The following CGNL1 variants were observed in gnomAD, a reference collection of about 807,000 sequenced individuals.
The protein encoded by CGNL1 is cingulin like 1, also known as cingulin-like protein 1.
CGNL1 carries 132 observed loss-of-function variants against 141.2 expected under a neutral mutation model. The ratio of observed to expected loss-of-function variants is 0.93; its 90% CI spans 0.81 to 1.08. The LOEUF is 1.08. Ranked by LOEUF, CGNL1 falls within the 50% of genes least tolerant of loss-of-function variation. The pLI, the probability that CGNL1 is intolerant of heterozygous loss-of-function variation, is 0.00. For missense variants in CGNL1, 1,870 were observed against 1,588.6 expected (o/e 1.18, Z -3.01); for synonymous variants, 690 against 622.1 (o/e 1.11, Z -1.63).
chr15:57,546,853 G>A (rs189166634), intron 18 of CGNL1, among the ~76,000 whole-genome samples: 39 of 152,240 alleles, frequency 2.6e-4, no homozygotes, highest in African/African-American at 9.4e-4. Flanking sequence ...GGGGCTCTTT[G>A]CTGGCTGCCC....
intron 1 of CGNL1, among the ~76,000 whole-genome samples, chr15:57,412,367 A>T (rs928977322): frequency 6.6e-6 from 1 of 152,208 alleles, no homozygotes; most frequent in Admixed American, 6.5e-5. Context: ...GTGGCTCTGC[A>T]TCCTCTTTTC....
chr15:57,381,351 G>A (rs1809231588), intron 1 of CGNL1, among the ~76,000 whole-genome samples: 1 of 152,136 alleles, frequency 6.6e-6, no homozygotes, highest in Non-Finnish European at 1.5e-5. Flanking sequence ...CTTGAGCCCA[G>A]GAGGTCAATA....
intron 8 of CGNL1, among the ~76,000 whole-genome samples, chr15:57,492,173 G>T (rs1205128496): frequency 6.6e-6 from 1 of 152,194 alleles, no homozygotes; most frequent in East Asian, 1.9e-4. Flanking sequence ...ATCAACTAAA[G>T]CCTTAGGTTT....
intron 8 of CGNL1, among the ~76,000 whole-genome samples, chr15:57,510,358 A>G (rs939983076): frequency 6.6e-6 from 1 of 152,264 alleles, no homozygotes; most frequent in African/African-American, 2.4e-5. Context: ...AGCAAGAGGC[A>G]CAGCCTGGGT....
chr15:57,404,210 C>A (rs773976680), intron 1 of CGNL1, among the ~76,000 whole-genome samples: 7 of 152,324 alleles, frequency 4.6e-5, no homozygotes, highest in Non-Finnish European at 8.8e-5. Flanking sequence ...CTCTCACTTG[C>A]TTCTCCCTGC....
chr15:57,445,499 C>G (rs191659683), intron 4 of CGNL1, among the ~76,000 whole-genome samples: 1 of 152,158 alleles, frequency 6.6e-6, no homozygotes, highest in East Asian at 1.9e-4. Flanking sequence ...CCCTTAGGGA[C>G]GGAGACCATA....
At chr15:57,472,245 G>A (rs1174355868) in intron 8 of CGNL1, among the ~76,000 whole-genome samples, 3 of 152,030 alleles carry the variant, frequency 2.0e-5, no homozygotes, top group Admixed American at 6.6e-5. Flanking sequence ...GAAATAGCAT[G>A]TGCAAGGGGG....
chr15:57,391,560 A>G (rs1038654890), intron 1 of CGNL1, among the ~76,000 whole-genome samples: 4 of 152,210 alleles, frequency 2.6e-5, no homozygotes, highest in African/African-American at 9.6e-5. Context: ...CAGTTTGGCA[A>G]TGGGGCTGCT....
intron 1 of CGNL1, among the ~76,000 whole-genome samples, chr15:57,435,778 A>G (rs888009450): frequency 6.6e-6 from 1 of 152,170 alleles, no homozygotes; most frequent in African/African-American, 2.4e-5. Context: ...AAGATGTGCT[A>G]GAGCCAAACA....
At chr15:57,495,654 G>A (rs2063927350) in intron 8 of CGNL1, among the ~76,000 whole-genome samples, 1 of 152,186 alleles carries the variant, frequency 6.6e-6, no homozygotes, top group African/African-American at 2.4e-5. Context: ...CTCTACATAT[G>A]AGAGCACTGA....
intron 15 of CGNL1, 23 bp downstream of exon 15, chr15:57,543,802 CT>C: frequency 6.3e-7 from 1 of 1,584,996 alleles, no homozygotes; most frequent in East Asian, 2.2e-5. Flanking sequence ...AGCCTGTGAG[CT>C]GCCCCCCCGT....
chr15:57,518,118 C>A (rs1295249884), intron 9 of CGNL1, among the ~76,000 whole-genome samples: 9 of 151,672 alleles, frequency 5.9e-5, no homozygotes, highest in African/African-American at 1.9e-4. Flanking sequence ...CCAGCCAGAG[C>A]AATATAGTGA....
At position 57,451,521 on chromosome 15, in the gene CGNL1, G is replaced by A. The variant is rs760867108; in HGVS notation, c.1825G>A (p.Val609Ile). ...NNQACNSTSE[V>I]KDLLEQKSKL... ...ATAGGCTTGTAATTCCACATCTGAAGTCAAAGATCTATTGGAACAGAAAAG... is the reference window on the plus strand; with the variant it reads ...ATAGGCTTGTAATTCCACATCTGAAATCAAAGATCTATTGGAACAGAAAAG... The change falls in exon 5 of 19, where the codon GTC (valine) becomes ATC (isoleucine). Residue 609 changes from valine (V) to isoleucine (I), a missense_variant. Coordinates refer to ENST00000281282, the MANE Select transcript of CGNL1 (RefSeq NM_032866.5). The A allele has an allele frequency of 1.2e-6, 2 of 1,612,172 alleles. No homozygotes were observed. Among genetic ancestry groups the A allele is most frequent in the South Asian group, 2.2e-5 (2 of 90,636 alleles).
intron 1 of CGNL1, among the ~76,000 whole-genome samples, chr15:57,417,352 G>A (rs12439943): frequency 0.1 from 15,835 of 152,166 alleles, 936 homozygotes; most frequent in Middle Eastern, 0.19. Flanking sequence ...TCATGCCTCA[G>A]CCTCCCGAGT....
intron 8 of CGNL1, 114 bp downstream of exon 8, chr15:57,462,006 T>A (rs909867418): frequency 6.4e-6 from 5 of 775,350 alleles, no homozygotes; most frequent in Non-Finnish European, 8.7e-6. Context: ...GAATCTCAAT[T>A]CATCAGATCA....
At chr15:57,519,029 G>T (rs1195121879) in intron 10 of CGNL1, among the ~76,000 whole-genome samples, 3 of 152,108 alleles carry the variant, frequency 2.0e-5, no homozygotes, top group Non-Finnish European at 2.9e-5. Context: ...TGGCTATTCA[G>T]AGAGGCAGGA....
At position 57,442,463 on chromosome 15, in the gene CGNL1, C is replaced by G. The variant is rs958698538; in HGVS notation, c.1788C>G (p.Ala596=). The part of the protein sequence containing the change: ...QTLKSRAAGS[A]QGNNQACNST... Reference sequence around the variant, plus strand: ...TAAAGTCTCGAGCAGCTGGGAGCGCCCAAGGAAATAACCAAGTAAATGGAA... The same window carrying G: ...TAAAGTCTCGAGCAGCTGGGAGCGCGCAAGGAAATAACCAAGTAAATGGAA... The change falls in exon 4 of 19, where the codon GCC becomes GCG. Residue 596 remains alanine, a synonymous_variant. Transcript: ENST00000281282. 8.7e-6 allele frequency: 14 copies of G among 1,609,238 alleles called. No homozygotes were observed. The highest frequency in any genetic ancestry group is 1.0e-5 in the Non-Finnish European group (12 of 1,176,004).
intron 1 of CGNL1, among the ~76,000 whole-genome samples, chr15:57,382,584 CTT>C (rs1190616371): frequency 2.6e-5 from 4 of 152,226 alleles, no homozygotes; most frequent in African/African-American, 9.6e-5. Flanking sequence ...TTACTTATCT[CTT>C]TGCTGGAAGA....
chr15:57,496,173 C>T (rs1240422700), intron 8 of CGNL1, among the ~76,000 whole-genome samples: 3 of 152,110 alleles, frequency 2.0e-5, no homozygotes, highest in South Asian at 4.1e-4. Flanking sequence ...AAAACAAAAC[C>T]CTCCAAACAG....
Sources: allele counts gnomAD v4.1 joint callset (sites outside exome capture counted in the v4.1 genomes callset), GRCh38; gene constraint gnomAD v4.1.1; transcripts MANE v1.5; gene names NCBI Gene and HGNC (gene_info 2026-07-23, HGNC 2026-07-21).